The following PCDHGB5 variants were observed in gnomAD, a reference collection of about 807,000 sequenced individuals.
PCDHGB5 encodes protocadherin gamma subfamily B, 5.
A neutral mutation model predicts 62.9 loss-of-function variants in PCDHGB5; 48 were observed. The ratio of observed to expected loss-of-function variants is 0.76; its 90% confidence interval spans 0.61 to 0.97. PCDHGB5 has a LOEUF of 0.97. PCDHGB5 is among the 50% of genes least tolerant of loss of function. PCDHGB5 has a pLI of 0.00. For missense variants in PCDHGB5, 1,118 were observed against 1,198.6 expected (o/e 0.93, Z 0.99); for synonymous variants, 474 against 511.2 (o/e 0.93, Z 0.98).
rs748660721 is a variant in PCDHGB5 at position 141,485,346 on chromosome 5, G to A, written c.2398-9461G>A. The A allele has an allele frequency of 1.2e-6, 2 of 1,614,178 alleles. No individual in the cohort carries two copies. Among genetic ancestry groups the A allele is most frequent in the South Asian group, 2.2e-5 (2 of 91,088 alleles). ...CAAGATTTCCTGCTGGATACGGACA[G>A]TCTGTCAGCTCGCAGGCTGCAGGTC... On this transcript the variant is annotated intron_variant, in intron 1 of 3. Transcript: ENST00000617380. This position sits in a 1 kb window ranked among gnomAD's most constrained non-coding sequence, Gnocchi z 5.7.
intron 1 of PCDHGB5, among the ~76,000 whole-genome samples, chr5:141,453,121 G>A (rs62379169): frequency 4.7e-4 from 71 of 151,818 alleles, no homozygotes; most frequent in Non-Finnish European, 8.4e-4. Flanking sequence ...GTTTTGTTTT[G>A]TTTTGTTTTT....
intron 1 of PCDHGB5, among the ~76,000 whole-genome samples, chr5:141,436,424 T>C (rs2154557109): frequency 6.6e-6 from 1 of 152,322 alleles, no homozygotes; most frequent in Middle Eastern, 3.4e-3. Context: ...AAACAAATAA[T>C]GTACTCTGGG....
At position 141,490,490 on chromosome 5, in the gene PCDHGB5, C is replaced by T; in HGVS notation, c.2398-4317C>T. 1 of 1,614,184 alleles carries T rather than the reference C, an allele frequency of 6.2e-7. No homozygotes were observed. The highest frequency in any genetic ancestry group is 8.5e-7 in the Non-Finnish European group (1 of 1,180,028). The stretch of plus-strand genomic sequence containing the variant: ...AGCCAGCCTTTGGACCGGGAGGCCA[C>T]ATCCCACTATATCATCGAGCTGCTG... On this transcript the variant is annotated intron_variant, in intron 1 of 3. Coordinates refer to ENST00000617380, the MANE Select transcript of PCDHGB5 (RefSeq NM_018925.3). The surrounding 1 kb of genome is among the most constrained non-coding windows in gnomAD (Gnocchi z 5.4).
In PCDHGB5 at chr5:141,490,963, G is replaced by GC; in HGVS notation, c.2398-3838dup. 6.2e-7 allele frequency: 1 copy of GC among 1,613,760 alleles called. No individual in the cohort carries two copies. On this transcript the variant is annotated intron_variant, in intron 1 of 3. Transcript: ENST00000617380. This position sits in a 1 kb window ranked among gnomAD's most constrained non-coding sequence, Gnocchi z 5.4. ...CCCACGGCCAGACTGGGAACACTCA[G>GC]CCCCCCAGCGTCTCCCTCGCTCTGC...
At chr5:141,441,775 A>G (rs1005757857) in intron 1 of PCDHGB5, 27 of 388,638 alleles carry the variant, frequency 6.9e-5, no homozygotes, top group Admixed American at 5.4e-4. Context: ...GTGTTGGTGG[A>G]CGACCTGAAT....
chr5:141,423,101 G>A (rs757127033), intron 1 of PCDHGB5: 3 of 1,613,966 alleles, frequency 1.9e-6, no homozygotes, highest in South Asian at 1.1e-5. Context: ...GAGCACACGG[G>A]CGAGGTGCGT....
In PCDHGB5 at chr5:141,492,378, C is replaced by T. The variant is rs144479033; in HGVS notation, c.2398-2429C>T. Among the ~76,000 whole-genome samples the T allele has an allele frequency of 1.7e-3, 262 of 152,360 alleles. 2 individuals are homozygous for T. The highest frequency in any genetic ancestry group is 3.0e-3 in the Non-Finnish European group (207 of 68,026). On this transcript the variant is annotated intron_variant, in intron 1 of 3. Coordinates refer to ENST00000617380, the MANE Select transcript of PCDHGB5 (RefSeq NM_018925.3). ...CTCGCTCGCGGCCAGATTCACAGGCCTGTTCCGGTCCACTCGCAGCTCCCC... is the reference window on the plus strand; with the variant it reads ...CTCGCTCGCGGCCAGATTCACAGGCTTGTTCCGGTCCACTCGCAGCTCCCC...
At chr5:141,403,306 A>C in intron 1 of PCDHGB5, 1 of 1,613,908 alleles carries the variant, frequency 6.2e-7, no homozygotes, top group Non-Finnish European at 8.5e-7. Context: ...AACTGTACGG[A>C]ATAGAAATAG....
At chr5:141,452,673 G>A (rs2098746812) in intron 1 of PCDHGB5, among the ~76,000 whole-genome samples, 1 of 151,896 alleles carries the variant, frequency 6.6e-6, no homozygotes, top group Non-Finnish European at 1.5e-5. Flanking sequence ...CTCCAGCCTA[G>A]GCCACAGAAT....
At chr5:141,498,679 C>G (rs1454800332) in intron 2 of PCDHGB5, among the ~76,000 whole-genome samples, 1 of 152,170 alleles carries the variant, frequency 6.6e-6, no homozygotes, top group Admixed American at 6.5e-5. Flanking sequence ...CGCCTGTAAT[C>G]CCAGCACTTT....
chr5:141,419,540 C>A (rs999461892), intron 1 of PCDHGB5: 4 of 1,612,018 alleles, frequency 2.5e-6, no homozygotes. Flanking sequence ...CAACGCACCG[C>A]GGGTGCTGTA....
rs758216933 is a variant in PCDHGB5 at position 141,487,377 on chromosome 5, C to A, written c.2398-7430C>A. The A allele has an allele frequency of 2.5e-6, 4 of 1,614,190 alleles. No individual in the cohort carries two copies. In the South Asian group the frequency reaches 3.3e-5, roughly 13 times the overall value. On this transcript the variant is annotated intron_variant, in intron 1 of 3. Transcript: ENST00000617380. This position sits in a 1 kb window ranked among gnomAD's most constrained non-coding sequence, Gnocchi z 5.0. ...CCTGCTGGCACCTGTGCCTGTCTCA[C>A]CAGATCTCGAAGGAGGGAGGGGCTT...
Position 141,438,902 on chromosome 5 carries a change from G to A in PCDHGB5, c.2397+38378G>A, listed in dbSNP as rs185216039. 2.0e-5 allele frequency among the ~76,000 whole-genome samples: 3 copies of A among 151,906 alleles called. No homozygotes were observed. The East Asian group carries it at 5.8e-4, about 29-fold the overall frequency. On this transcript the variant is annotated intron_variant, in intron 1 of 3. Coordinates refer to ENST00000617380, the MANE Select transcript of PCDHGB5 (RefSeq NM_018925.3). ...GCTGCTCTTGAACTCCTGACCTCAGGTGATCCACCTGCCTTGGCCTCCCAA... is the reference window on the plus strand; with the variant it reads ...GCTGCTCTTGAACTCCTGACCTCAGATGATCCACCTGCCTTGGCCTCCCAA...
At chr5:141,466,765 G>A (rs1199343616) in intron 1 of PCDHGB5, among the ~76,000 whole-genome samples, 1 of 151,996 alleles carries the variant, frequency 6.6e-6, no homozygotes, top group African/African-American at 2.4e-5. Context: ...TTTTCAAACT[G>A]TTATCTTATT....
At position 141,432,349 on chromosome 5, in the gene PCDHGB5, G is replaced by T; in HGVS notation, c.2397+31825G>T. On this transcript the variant is annotated intron_variant, in intron 1 of 3. Transcript: ENST00000617380. This position sits in a 1 kb window ranked among gnomAD's most constrained non-coding sequence, Gnocchi z 6.0. Reference sequence around the variant, plus strand: ...ACGAGCAGTTCCGAGACTTGCAAGTGAAAGTGATGGCGCGGGACAACGGGC... The same window carrying T: ...ACGAGCAGTTCCGAGACTTGCAAGTTAAAGTGATGGCGCGGGACAACGGGC... 4 of 1,614,240 alleles carry T rather than the reference G, an allele frequency of 2.5e-6. No homozygotes were observed. Among genetic ancestry groups the T allele is most frequent in the Non-Finnish European group, 1.7e-6 (2 of 1,180,046 alleles).
intron 1 of PCDHGB5, chr5:141,433,354 T>C: frequency 1.7e-6 from 1 of 602,322 alleles, no homozygotes; most frequent in Non-Finnish European, 2.9e-6. Flanking sequence ...CCACCTACTG[T>C]CTGCCTATCT....
chr5:141,445,890 T>C (rs1435563284), intron 1 of PCDHGB5, among the ~76,000 whole-genome samples: 1 of 152,210 alleles, frequency 6.6e-6, no homozygotes, highest in Non-Finnish European at 1.5e-5. Context: ...ACTTAGGAGC[T>C]ATTAAAATAT....
chr5:141,410,414 G>A lies in PCDHGB5; in HGVS notation c.2397+9890G>A, dbSNP rs201698858. On this transcript the variant is annotated intron_variant, in intron 1 of 3. Coordinates refer to ENST00000617380, the MANE Select transcript of PCDHGB5 (RefSeq NM_018925.3). ...TGGTCTCTGTGTCAAGTCTGGACCT[G>A]TAGTTCCCCCCAACTACAGTGAGGG... 2.0e-4 allele frequency: 326 copies of A among 1,613,916 alleles called. 1 individual carries two copies. The highest frequency in any genetic ancestry group is 2.7e-4 in the Non-Finnish European group (315 of 1,179,910).
At chr5:141,465,880 TG>T (rs2154569018) in intron 1 of PCDHGB5, among the ~76,000 whole-genome samples, 1 of 152,096 alleles carries the variant, frequency 6.6e-6, no homozygotes, top group East Asian at 1.9e-4. Context: ...CCCAGCACTT[TG>T]GGAGGCCGAG....
Sources: gnomAD v4.1 joint callset for allele counts (sites outside exome capture counted in the v4.1 genomes callset) on GRCh38, gnomAD v4.1.1 for gene constraint, Gnocchi (gnomAD v3.1) non-coding constraint, MANE v1.5 for transcripts, NCBI Gene and HGNC (gene_info 2026-07-23, HGNC 2026-07-21) for gene names.